Variants in SPAG16 observed in about 807,000 individuals in gnomAD.
SPAG16 encodes the protein sperm associated antigen 16.
Under a neutral mutation model 80.4 loss-of-function variants are expected in SPAG16, and 86 were observed. The observed-to-expected ratio is 1.07, with a 90% CI of 0.90 to 1.28. SPAG16 has a LOEUF of 1.28. SPAG16 is among the 50% of genes most tolerant of loss of function. The pLI is 0.00. For missense variants in SPAG16, 870 were observed against 765.3 expected (o/e 1.14, Z -1.61); for synonymous variants, 294 against 265.9 (o/e 1.11, Z -1.03).
intron 15 of SPAG16, among the ~76,000 whole-genome samples, chr2:214,237,880 A>G (rs1265581994): frequency 6.6e-6 from 1 of 152,106 alleles, no homozygotes; most frequent in Non-Finnish European, 1.5e-5. Flanking sequence ...ATGCAGATTA[A>G]AACTAATAGT....
intron 15 of SPAG16, among the ~76,000 whole-genome samples, chr2:214,311,118 C>T (rs1376251972): frequency 6.8e-6 from 1 of 146,320 alleles, no homozygotes; most frequent in Non-Finnish European, 1.5e-5. Flanking sequence ...TAGGGCAGAA[C>T]AGTGCCCCCT....
At chr2:213,578,822 GT>G (rs1257106187) in intron 10 of SPAG16, among the ~76,000 whole-genome samples, 2 of 151,748 alleles carry the variant, frequency 1.3e-5, no homozygotes, top group Non-Finnish European at 2.9e-5. Context: ...TATCAGCTTT[GT>G]TTTTTCCTTG....
At chr2:213,734,882 A>G (rs1361850035) in intron 10 of SPAG16, among the ~76,000 whole-genome samples, 3 of 152,178 alleles carry the variant, frequency 2.0e-5, no homozygotes, top group Non-Finnish European at 2.9e-5. Context: ...ACTTCATATG[A>G]TGTGACAATT....
At chr2:213,703,720 C>G (rs113157160) in intron 10 of SPAG16, among the ~76,000 whole-genome samples, 1 of 152,144 alleles carries the variant, frequency 6.6e-6, no homozygotes, top group Non-Finnish European at 1.5e-5. Context: ...CTCAGAGTAA[C>G]CTCAGTCAGT....
intron 10 of SPAG16, among the ~76,000 whole-genome samples, chr2:213,631,571 A>G (rs2062153633): frequency 6.6e-6 from 1 of 152,150 alleles, no homozygotes; most frequent in South Asian, 2.1e-4. Flanking sequence ...TGGAGTTCTC[A>G]TGAGATCTAG....
chr2:213,554,306 G>A (rs934925529), intron 10 of SPAG16, among the ~76,000 whole-genome samples: 1 of 152,130 alleles, frequency 6.6e-6, no homozygotes, highest in African/African-American at 2.4e-5. Flanking sequence ...TACATTTCTG[G>A]CATTCTCACT....
chr2:213,717,303 C>T lies in SPAG16; in HGVS notation c.1071-145182C>T, dbSNP rs189571550. Among the ~76,000 whole-genome samples, 195 of 152,000 alleles carry T rather than the reference C, an allele frequency of 1.3e-3. 1 individual carries two copies. Among genetic ancestry groups the T allele is most frequent in the Non-Finnish European group, 2.1e-3 (144 of 67,966 alleles). Reference sequence around the variant, plus strand: ...GCTCCTGAGTAGCTAGGACTACAGGCGCCCGCCACCAAGCCTGGCTAATTT... The same window carrying T: ...GCTCCTGAGTAGCTAGGACTACAGGTGCCCGCCACCAAGCCTGGCTAATTT... On this transcript the variant is annotated intron_variant, in intron 10 of 15. Coordinates refer to ENST00000331683, the MANE Select transcript of SPAG16 (RefSeq NM_024532.5).
chr2:213,715,222 G>GTCTATCTATCCA (rs1553615158), intron 10 of SPAG16, among the ~76,000 whole-genome samples: 63 of 110,576 alleles, frequency 5.7e-4, no homozygotes, highest in South Asian at 2.9e-3. Flanking sequence ...AGATCTATCT[G>GTCTATCTATCCA]TCTATCTATC....
intron 10 of SPAG16, among the ~76,000 whole-genome samples, chr2:213,700,955 C>T (rs1265787591): frequency 1.3e-5 from 2 of 151,834 alleles, no homozygotes; most frequent in East Asian, 1.9e-4. Context: ...CAAGATCAGC[C>T]TGGTGGCCAG....
chr2:213,683,140 T>C (rs2064481412), intron 10 of SPAG16, among the ~76,000 whole-genome samples: 1 of 152,166 alleles, frequency 6.6e-6, no homozygotes, highest in African/African-American at 2.4e-5. Flanking sequence ...TCTAAGCATA[T>C]AAGTAAAACT....
chr2:213,582,907 T>C (rs1469055578), intron 10 of SPAG16, among the ~76,000 whole-genome samples: 1 of 152,196 alleles, frequency 6.6e-6, no homozygotes, highest in Admixed American at 6.5e-5. Flanking sequence ...ACTGTGCATG[T>C]TATTTCACTA....
chr2:213,343,974 C>A (rs2064828180), intron 6 of SPAG16, among the ~76,000 whole-genome samples: 1 of 152,084 alleles, frequency 6.6e-6, no homozygotes, highest in African/African-American at 2.4e-5. Context: ...GTTAAGTATA[C>A]AAATTCAAAT....
intron 10 of SPAG16, among the ~76,000 whole-genome samples, chr2:213,692,887 G>GT (rs1256570502): frequency 5.9e-5 from 9 of 151,848 alleles, no homozygotes; most frequent in African/African-American, 2.2e-4. Context: ...GTAATATGAG[G>GT]AATGGCTACA....
At chr2:213,539,507 A>G (rs2076358167) in intron 10 of SPAG16, among the ~76,000 whole-genome samples, 1 of 152,180 alleles carries the variant, frequency 6.6e-6, no homozygotes, top group Non-Finnish European at 1.5e-5. Flanking sequence ...AAAAAGTCCA[A>G]ACAAGTTTTC....
At position 213,410,239 on chromosome 2, in the gene SPAG16, G is replaced by A. The variant is rs551266453; in HGVS notation, c.942+35120G>A. Among the ~76,000 whole-genome samples, 3 of 152,308 alleles carry A rather than the reference G, an allele frequency of 2.0e-5. No homozygotes were observed. The East Asian group carries it at 5.8e-4, about 29-fold the overall frequency. On this transcript the variant is annotated intron_variant, in intron 9 of 15. Coordinates refer to ENST00000331683, the MANE Select transcript of SPAG16 (RefSeq NM_024532.5). ...TTACTCTTTATTCTTTCCTCTATCT[G>A]TTGCTGACCATCTAGTTATTAACAT...
At chr2:213,997,550 C>T (rs2046582840) in intron 12 of SPAG16, among the ~76,000 whole-genome samples, 1 of 152,132 alleles carries the variant, frequency 6.6e-6, no homozygotes, top group Admixed American at 6.5e-5. Context: ...TGAAGGTCCC[C>T]TGTTAGTCCT....
At chr2:214,118,106 C>T (rs1295594126) in intron 14 of SPAG16, among the ~76,000 whole-genome samples, 1 of 152,098 alleles carries the variant, frequency 6.6e-6, no homozygotes, top group Non-Finnish European at 1.5e-5. Flanking sequence ...GAAAACTCTA[C>T]AGACCCCACT....
chr2:214,036,758 C>G lies in SPAG16; in HGVS notation c.1527+22681C>G, dbSNP rs532216823. Among the ~76,000 whole-genome samples the G allele has an allele frequency of 2.0e-5, 3 of 152,268 alleles. No individual in the cohort carries two copies. The East Asian group carries it at 5.8e-4, about 29-fold the overall frequency. ...CCTAGACATCTAAGAAAGAGGCCTA[C>G]TCAGTAGCATTCAGTATTTATTTAG... is the stretch of plus-strand genomic sequence containing the variant. On this transcript the variant is annotated intron_variant, in intron 13 of 15. Coordinates refer to ENST00000331683, the MANE Select transcript of SPAG16 (RefSeq NM_024532.5).
At chr2:213,676,320 G>A (rs1296172907) in intron 10 of SPAG16, among the ~76,000 whole-genome samples, 8 of 151,844 alleles carry the variant, frequency 5.3e-5, no homozygotes, top group Non-Finnish European at 1.0e-4. Flanking sequence ...CAATCATGTT[G>A]TCTGCAAACA....
Sources: gnomAD v4.1 joint callset for allele counts (sites outside exome capture counted in the v4.1 genomes callset) on GRCh38, gnomAD v4.1.1 for gene constraint, MANE v1.5 for transcripts, NCBI Gene and HGNC (gene_info 2026-07-23, HGNC 2026-07-21) for gene names.